Variants in CAD observed in about 807,000 individuals in gnomAD.
The protein encoded by CAD is carbamoyl-phosphate synthetase 2, aspartate transcarbamylase, and dihydroorotase, also known as multifunctional protein CAD.
CAD carries 81 observed loss-of-function variants against 237.2 expected under a neutral mutation model. The observed-to-expected ratio is 0.34, with a 90% CI of 0.29 to 0.41. The LOEUF (loss-of-function observed/expected upper bound fraction) is 0.41. Ranked by LOEUF, CAD falls within the 10% of genes least tolerant of loss-of-function variation. CAD has a pLI of 1.00. For missense variants in CAD, 2,181 were observed against 2,951.7 expected (o/e 0.74, Z 6.05); for synonymous variants, 1,196 against 1,162.8 (o/e 1.03, Z -0.58).
rs1430517195 is a variant in CAD at position 27,232,764 on chromosome 2, T to C, written c.2892+70T>C. 2 of 1,577,378 alleles carry C rather than the reference T, an allele frequency of 1.3e-6. No homozygotes were observed. Among genetic ancestry groups the C allele is most frequent in the Non-Finnish European group, 1.7e-6 (2 of 1,150,740 alleles). ...ATCTCTAGCAATTGCTTGGCACTAA[T>C]CCTGGCATTTCCTATTAATTGCCGT... is the stretch of plus-strand genomic sequence containing the variant. On this transcript the variant is annotated intron_variant, in intron 18 of 43. Coordinates refer to ENST00000264705, the MANE Select transcript of CAD (RefSeq NM_004341.5). The surrounding 1 kb of genome is among the most constrained non-coding windows in gnomAD (Gnocchi z 4.1).
rs1335268748 is a variant in CAD, at chr2:27,232,442, T to C, written c.2646-6T>C. 6.2e-7 allele frequency: 1 copy of C among 1,614,030 alleles called. No individual in the cohort carries two copies. The highest frequency in any genetic ancestry group is 8.5e-7 in the Non-Finnish European group (1 of 1,180,044). On this transcript the variant is annotated splice_polypyrimidine_tract_variant and splice_region_variant and intron_variant, in intron 17 of 43. Transcript: ENST00000264705. This position sits in a 1 kb window ranked among gnomAD's most constrained non-coding sequence, Gnocchi z 4.1. ...GCCTGTGTTTCAGACCCTTTTTCTA[T>C]TTTAGCACAGAGCTGGCTGTTCGCA...
At position 27,224,535 on chromosome 2, in the gene CAD, G is replaced by A. The variant is rs938182997; in HGVS notation, c.1254+45G>A. ...ACCCTTCTGGGCGTGTGACCCTCAA[G>A]AATGGAAAGGGTCTTAAGGAGAAGG... is the stretch of plus-strand genomic sequence containing the variant. On this transcript the variant is annotated intron_variant, in intron 9 of 43. Transcript: ENST00000264705. 7.5e-6 allele frequency: 12 copies of A among 1,601,612 alleles called. No homozygotes were observed. The African/African-American group carries it at 1.3e-4, about 18-fold the overall frequency.
chr2:27,237,965 G>A lies in CAD; in HGVS notation c.4728+83G>A. 1 of 1,578,918 alleles carries A rather than the reference G, an allele frequency of 6.3e-7. No homozygotes were observed. The highest frequency in any genetic ancestry group is 8.6e-7 in the Non-Finnish European group (1 of 1,159,718). On this transcript the variant is annotated intron_variant, in intron 29 of 43. Transcript: ENST00000264705. This position sits in a 1 kb window ranked among gnomAD's most constrained non-coding sequence, Gnocchi z 4.0. ...CCTGCCTAAGTGGGCTGGTAGCAGT[G>A]AGGATTCAGGGGAGCTCCTGGGGAC...
At chr2:27,229,976 G>A (rs1377298440) in intron 15 of CAD, among the ~76,000 whole-genome samples, 5 of 151,996 alleles carry the variant, frequency 3.3e-5, no homozygotes, top group South Asian at 4.2e-4. Flanking sequence ...AGTGGCACAC[G>A]CCTGTAATCC....
chr2:27,237,745 T>C lies in CAD; in HGVS notation c.4591T>C (p.Phe1531Leu). 6.2e-7 allele frequency: 1 copy of C among 1,614,116 alleles called. No individual in the cohort carries two copies. The change falls in exon 29 of 44, where the codon TTT (phenylalanine) becomes CTT (leucine). Residue 1531 changes from phenylalanine to leucine, a missense_variant. Around this residue, in one of 12 missense-constraint regions of CAD, gnomAD observed 478 missense variants for 515.0 expected, o/e 0.93. Transcript: ENST00000264705. The surrounding 1 kb of genome is among the most constrained non-coding windows in gnomAD (Gnocchi z 4.0). ...GGCAGAGGCTGGCGCCCGGTGCGAC[T>C]TTGCGCTATTCCTTGGGGCCTCGTC... ...KLAEAGARCD[F>L]ALFLGASSEN...
rs1487806256 is a variant in CAD, at chr2:27,239,420, C to T, written c.5343C>T (p.Gly1781=). 2 of 1,614,100 alleles carry T rather than the reference C, an allele frequency of 1.2e-6. No individual in the cohort carries two copies. The highest frequency in any genetic ancestry group is 4.5e-5 in the East Asian group (2 of 44,884). ...CTTTTGAAGGGCAGAAAGTGAAGGG[C>T]ACCGTCCGCCGTGTGGTCCTGCGAG... ...WTPFEGQKVK[G]TVRRVVLRGE... The change falls in exon 33 of 44, where the codon GGC becomes GGT. Residue 1781 remains glycine (G), a synonymous_variant. Transcript: ENST00000264705. This position sits in a 1 kb window ranked among gnomAD's most constrained non-coding sequence, Gnocchi z 4.0.
At position 27,243,295 on chromosome 2, in the gene CAD, G is replaced by T; in HGVS notation, c.6575+3G>T. 3 of 1,614,054 alleles carry T rather than the reference G, an allele frequency of 1.9e-6. No homozygotes were observed. Among genetic ancestry groups the T allele is most frequent in the Non-Finnish European group, 2.5e-6 (3 of 1,179,974 alleles). ...ATGCCCCGTGTCAACGAGATAAGGT[G>T]GTGCAGCATCAGAGTCAGAGACTGC... On this transcript the variant is annotated splice_donor_region_variant and intron_variant, in intron 43 of 43. Transcript: ENST00000264705.
In CAD at chr2:27,222,285, G is replaced by A. The variant is rs778646517; in HGVS notation, c.444G>A (p.Leu148=). 1.2e-6 allele frequency: 2 copies of A among 1,613,658 alleles called. No homozygotes were observed. The highest frequency in any genetic ancestry group is 2.2e-5 in the East Asian group (1 of 44,886). Residue 148 remains leucine, a synonymous_variant, in exon 4 of 44, where the codon CTG becomes CTA. Transcript: ENST00000264705. Reference sequence around the variant, plus strand: ...AGAATGGAACAGAACCTTCATCCCTGCCATTCTTGGACCCCAATGCCCGCC... The same window carrying A: ...AGAATGGAACAGAACCTTCATCCCTACCATTCTTGGACCCCAATGCCCGCC... ...LVQNGTEPSS[L]PFLDPNARPL...
At position 27,237,212 on chromosome 2, in the gene CAD, C is replaced by T. The variant is rs369888225; in HGVS notation, c.4397-167C>T. The stretch of plus-strand genomic sequence containing the variant: ...CTAATTTTTGTGTTTTTAGTAGAGA[C>T]GGGGTTTCACCATGTTGGTCAGGTT... On this transcript the variant is annotated intron_variant, in intron 27 of 43. Coordinates refer to ENST00000264705, the MANE Select transcript of CAD (RefSeq NM_004341.5). The surrounding 1 kb of genome is among the most constrained non-coding windows in gnomAD (Gnocchi z 4.0). Among the ~76,000 whole-genome samples, 2 of 151,810 alleles carry T rather than the reference C, an allele frequency of 1.3e-5. No individual in the cohort carries two copies. Among genetic ancestry groups the T allele is most frequent in the Non-Finnish European group, 2.9e-5 (2 of 67,954 alleles).
chr2:27,236,225 G>A lies in CAD; in HGVS notation c.4075-59G>A. 1 of 1,592,636 alleles carries A rather than the reference G, an allele frequency of 6.3e-7. No homozygotes were observed. Among genetic ancestry groups the A allele is most frequent in the Non-Finnish European group, 8.6e-7 (1 of 1,168,064 alleles). ...CCTGGGCCAGCTCCTCTCCCTTAAG[G>A]CTAGCCTTCCTGACCGCTGCCAGAC... is the stretch of plus-strand genomic sequence containing the variant. On this transcript the variant is annotated intron_variant, in intron 25 of 43. Coordinates refer to ENST00000264705, the MANE Select transcript of CAD (RefSeq NM_004341.5). The surrounding 1 kb of genome is among the most constrained non-coding windows in gnomAD (Gnocchi z 4.1).
rs1676395024 is a variant in CAD, at chr2:27,242,984, G to A, written c.6480+11G>A. 3 of 1,585,258 alleles carry A rather than the reference G, an allele frequency of 1.9e-6. No individual in the cohort carries two copies. The highest frequency in any genetic ancestry group is 2.6e-6 in the Non-Finnish European group (3 of 1,160,682). On this transcript the variant is annotated intron_variant, in intron 42 of 43. Coordinates refer to ENST00000264705, the MANE Select transcript of CAD (RefSeq NM_004341.5). This position sits in a 1 kb window ranked among gnomAD's most constrained non-coding sequence, Gnocchi z 6.4. ...CAGGAGTACGAAGCTGTGAGTGCTG[G>A]GCTTGAGGAAGAAGCCAGGGCTGCT...
chr2:27,239,739 C>G lies in CAD; in HGVS notation c.5437C>G (p.Pro1813Ala). The G allele has an allele frequency of 2.5e-6, 4 of 1,592,594 alleles. No individual in the cohort carries two copies. Among genetic ancestry groups the G allele is most frequent in the Non-Finnish European group, 3.4e-6 (4 of 1,169,178 alleles). ...CTATGGACAGGATGTACGGAAGTGG[C>G]CACAGGGGGCTGTTCCTCAGCTCCC... ...PGYGQDVRKW[P>A]QGAVPQLPPS... The change falls in exon 34 of 44, where the codon CCA (proline) becomes GCA (alanine). Residue 1813 changes from proline (P) to alanine (A), a missense_variant. Transcript: ENST00000264705. This position sits in a 1 kb window ranked among gnomAD's most constrained non-coding sequence, Gnocchi z 4.0.
Position 27,232,753 on chromosome 2 carries a change from C to G in CAD, c.2892+59C>G. On this transcript the variant is annotated intron_variant, in intron 18 of 43. Coordinates refer to ENST00000264705, the MANE Select transcript of CAD (RefSeq NM_004341.5). This position sits in a 1 kb window ranked among gnomAD's most constrained non-coding sequence, Gnocchi z 4.1. ...CTATTCTGTTCATCTCTAGCAATTG[C>G]TTGGCACTAATCCTGGCATTTCCTA... is the stretch of plus-strand genomic sequence containing the variant. 1 of 1,600,320 alleles carries G rather than the reference C, an allele frequency of 6.2e-7. No homozygotes were observed. The highest frequency in any genetic ancestry group is 1.1e-5 in the South Asian group (1 of 90,194).
At position 27,235,478 on chromosome 2, in the gene CAD, G is replaced by A. The variant is rs1675956789; in HGVS notation, c.3969+51G>A. The stretch of plus-strand genomic sequence containing the variant: ...GAGGGCCGTGGCTCCCTGGGCCAGG[G>A]CTGACCTTGAAATGGAAGACAGGAA... On this transcript the variant is annotated intron_variant, in intron 24 of 43. Coordinates refer to ENST00000264705, the MANE Select transcript of CAD (RefSeq NM_004341.5). The surrounding 1 kb of genome is among the most constrained non-coding windows in gnomAD (Gnocchi z 5.2). 1 of 1,611,662 alleles carries A rather than the reference G, an allele frequency of 6.2e-7. No homozygotes were observed. Among genetic ancestry groups the A allele is most frequent in the African/African-American group, 1.3e-5 (1 of 74,880 alleles).
In CAD at chr2:27,235,684, A is replaced by G. The variant is rs559179771; in HGVS notation, c.4074+44A>G. On this transcript the variant is annotated intron_variant, in intron 25 of 43. Transcript: ENST00000264705. This position sits in a 1 kb window ranked among gnomAD's most constrained non-coding sequence, Gnocchi z 5.2. ...CCTACCCCACTGCTGCCCTTCCCCAAGGGGGTGAAAATACTGCACCAAAGA... is the reference window on the plus strand; with the variant it reads ...CCTACCCCACTGCTGCCCTTCCCCAGGGGGGTGAAAATACTGCACCAAAGA... The G allele has an allele frequency of 4.8e-5, 74 of 1,534,494 alleles. No homozygotes were observed. Among genetic ancestry groups the G allele is most frequent in the Non-Finnish European group, 6.3e-5 (70 of 1,109,002 alleles).
In CAD at chr2:27,234,537, T is replaced by C. The variant is rs759813835; in HGVS notation, c.3638T>C (p.Ile1213Thr). The change falls in exon 23 of 44, where the codon ATT (isoleucine) becomes ACT (threonine). Residue 1213 changes from isoleucine (I) to threonine (T), a missense_variant. Transcript: ENST00000264705. The part of the protein sequence containing the change: ...LIAKDDQLKV[I>T]ECNVRVSRSF... ...CCCCAGGATGACCAGCTGAAAGTTA[T>C]TGAATGCAACGTACGTGTCTCTCGC... 4 of 1,613,988 alleles carry C rather than the reference T, an allele frequency of 2.5e-6. No individual in the cohort carries two copies. Among genetic ancestry groups the C allele is most frequent in the Non-Finnish European group, 2.5e-6 (3 of 1,179,872 alleles).
In CAD at chr2:27,243,417, G is replaced by T; in HGVS notation, c.6577G>T (p.Val2193Leu). ...HPMPRVNEIS[V>L]EVDSDPRAAY... Reference sequence around the variant, plus strand: ...TTTTTTTTTTTTTTTTTTTTGCAGCGTGGAAGTGGACTCGGATCCCCGCGC... The same window carrying T: ...TTTTTTTTTTTTTTTTTTTTGCAGCTTGGAAGTGGACTCGGATCCCCGCGC... Residue 2193 changes from valine (V) to leucine (L), a missense_variant and splice_region_variant, in exon 44 of 44, where the codon GTG becomes TTG. This residue lies in a region of CAD where 170 missense variants were observed against 212.1 expected (regional missense o/e 0.80). Coordinates refer to ENST00000264705, the MANE Select transcript of CAD (RefSeq NM_004341.5). 6.6e-7 allele frequency: 1 copy of T among 1,523,110 alleles called. No individual in the cohort carries two copies. Among genetic ancestry groups the T allele is most frequent in the Admixed American group, 2.0e-5 (1 of 49,806 alleles). The allele number at this position is 1,523,110 out of a possible 1,614,324, so 94.3% of individuals were successfully genotyped here.
At chr2:27,226,438 T>C (rs1675446917) in intron 13 of CAD, 87 bp from the exon 14 acceptor site, 2 of 1,563,050 alleles carry the variant, frequency 1.3e-6, no homozygotes, top group Non-Finnish European at 1.7e-6. Flanking sequence ...GCTGGAATCT[T>C]CTTTACTAGG....
chr2:27,230,994 TTTTG>T (rs1020580155), intron 15 of CAD, among the ~76,000 whole-genome samples: 49 of 152,252 alleles, frequency 3.2e-4, no homozygotes, highest in African/African-American at 6.3e-4. Flanking sequence ...TAAGATTTCT[TTTTG>T]TTTGTTTGTT....
Sources: allele counts gnomAD v4.1 joint callset (sites outside exome capture counted in the v4.1 genomes callset), GRCh38; gene constraint gnomAD v4.1.1; regional missense constraint gnomAD v4.1.1; non-coding constraint Gnocchi (gnomAD v3.1); transcripts MANE v1.5; gene names NCBI Gene and HGNC (gene_info 2026-07-23, HGNC 2026-07-21).